The following CEP44 variants were observed in gnomAD, a reference collection of about 807,000 sequenced individuals.
The protein encoded by CEP44 is centrosomal protein 44.
A neutral mutation model predicts 46.7 loss-of-function variants in CEP44; 45 were observed. That is an observed-to-expected ratio of 0.96 (90% confidence interval 0.76 to 1.24). The LOEUF (loss-of-function observed/expected upper bound fraction) is 1.24. Among genes scored for constraint, CEP44 ranks in the 50% most tolerant of loss-of-function variants. The probability of loss-of-function intolerance (pLI) is 0.00; values close to 1 mark genes in which losing one functional copy is unlikely to be tolerated. For synonymous variants in CEP44, 142 were observed against 146.0 expected (o/e 0.97, Z 0.20); for missense variants, 475 against 459.7 (o/e 1.03, Z -0.30).
Position 174,299,138 on chromosome 4 carries a change from T to TAA in CEP44, c.21_22dup (p.Arg8LysfsTer7). On this transcript the variant is annotated frameshift_variant, in exon 3 of 12. Coordinates refer to ENST00000503780, the MANE Select transcript of CEP44 (RefSeq NM_001040157.3). LOFTEE classifies it high-confidence loss of function. Reference sequence around the variant, plus strand: ...TGTTAAGTAATGGCAACAGGTGACTTAAAAAGAAGCTTACGGAACCTAGAA... The same window carrying TAA: ...TGTTAAGTAATGGCAACAGGTGACTTAAAAAAAGAAGCTTACGGAACCTAGAA... 5.0e-6 allele frequency: 8 copies of TAA among 1,613,576 alleles called. No homozygotes were observed. The highest frequency in any genetic ancestry group is 6.8e-6 in the Non-Finnish European group (8 of 1,179,664).
At chr4:174,321,184 G>A (rs547136613), downstream of CEP44, among the ~76,000 whole-genome samples, 5 of 152,202 alleles carry the variant, frequency 3.3e-5, no homozygotes, top group South Asian at 1.0e-3. Flanking sequence ...GACATTTGTA[G>A]GTACTTTAAG....
At chr4:174,313,521 G>C (rs375107374) in intron 9 of CEP44, among the ~76,000 whole-genome samples, 1 of 152,088 alleles carries the variant, frequency 6.6e-6, no homozygotes, top group South Asian at 2.1e-4. Context: ...TCCCAGAGTC[G>C]TAGGAAGATT....
At chr4:174,306,715 A>T (rs781523449) in intron 6 of CEP44, among the ~76,000 whole-genome samples, 1 of 152,112 alleles carries the variant, frequency 6.6e-6, no homozygotes, top group Non-Finnish European at 1.5e-5. Context: ...TTGTAGGAGG[A>T]TCTTCTCAGC....
rs1487668273 is a variant in CEP44, at chr4:174,301,688, C to T, written c.90-351C>T. Among the ~76,000 whole-genome samples the T allele has an allele frequency of 6.6e-6, 1 of 152,090 alleles. No homozygotes were observed. The highest frequency in any genetic ancestry group is 1.9e-4 in the East Asian group (1 of 5,194). ...GTAATAGAACAAGTGTTTGCAAAACCATAAAGTGTACTTCAATTTTGTAAG... is the reference window on the plus strand; with the variant it reads ...GTAATAGAACAAGTGTTTGCAAAACTATAAAGTGTACTTCAATTTTGTAAG... On this transcript the variant is annotated intron_variant, in intron 3 of 11. Coordinates refer to ENST00000503780, the MANE Select transcript of CEP44 (RefSeq NM_001040157.3). The surrounding 1 kb of genome is among the most constrained non-coding windows in gnomAD (Gnocchi z 4.3).
intron 8 of CEP44, among the ~76,000 whole-genome samples, chr4:174,328,516 A>G (rs993447803): frequency 2.0e-5 from 3 of 152,234 alleles, no homozygotes; most frequent in Non-Finnish European, 2.9e-5. Context: ...TATCTCGAAC[A>G]GTGCAATTAT....
chr4:174,307,002 A>G (rs1209756284), intron 6 of CEP44, among the ~76,000 whole-genome samples: 2 of 152,244 alleles, frequency 1.3e-5, no homozygotes, highest in Non-Finnish European at 2.9e-5. Context: ...GCTCATGGAT[A>G]GGAAGAATCA....
chr4:174,304,338 A>G lies in CEP44; in HGVS notation c.476A>G (p.Asp159Gly), dbSNP rs770115106. 4.0e-5 allele frequency: 64 copies of G among 1,611,980 alleles called. No individual in the cohort carries two copies. Among genetic ancestry groups the G allele is most frequent in the Middle Eastern group, 1.6e-4 (1 of 6,074 alleles). The part of the protein sequence containing the change: ...EKISAEAVGV[D>G]ISGRFMTSGK... ...ATATCTGCAGAGGCTGTTGGCGTTG[A>G]TATCAGTGGCAGGTTTATGACCTCA... Residue 159 changes from aspartate to glycine, a missense_variant, in exon 6 of 12, where the codon GAT becomes GGT. Transcript: ENST00000503780.
At chr4:174,324,924 CT>C (rs1742560142), downstream of CEP44, among the ~76,000 whole-genome samples, 1 of 152,122 alleles carries the variant, frequency 6.6e-6, no homozygotes, top group Non-Finnish European at 1.5e-5. Context: ...AGGCAGTGTC[CT>C]CCCCTATAAG....
exon 9 of CEP44, chr4:174,332,866 G>T (rs996468273): frequency 1.3e-5 from 2 of 152,140 alleles, no homozygotes; most frequent in Non-Finnish European, 2.9e-5. Flanking sequence ...GCTTAGGTTT[G>T]AACCTGTTAA....
intron 2 of CEP44, among the ~76,000 whole-genome samples, chr4:174,298,576 T>C (rs903234569): frequency 6.6e-6 from 1 of 152,178 alleles, no homozygotes; most frequent in African/African-American, 2.4e-5. Flanking sequence ...AACCCTGCAT[T>C]TTTAAAATGT....
chr4:174,294,470 G>A lies in CEP44; in HGVS notation c.-147-3496G>A, dbSNP rs1166349274. 2.6e-5 allele frequency among the ~76,000 whole-genome samples: 4 copies of A among 151,214 alleles called. 1 individual carries two copies. In the East Asian group the frequency reaches 7.8e-4, roughly 30 times the overall value. On this transcript the variant is annotated intron_variant, in intron 1 of 11. Transcript: ENST00000503780. Reference sequence around the variant, plus strand: ...TTCTACACAGACATGGCAACCATCCGATTTCTCAATCCTTTCCCCGCCTTT... The same window carrying A: ...TTCTACACAGACATGGCAACCATCCAATTTCTCAATCCTTTCCCCGCCTTT...
intron 8 of CEP44, among the ~76,000 whole-genome samples, chr4:174,327,317 C>A (rs1377922452): frequency 3.3e-5 from 5 of 151,168 alleles, no homozygotes; most frequent in Admixed American, 1.3e-4. Context: ...TTAAAGAAAA[C>A]CTAAATAAAT....
intron 8 of CEP44, among the ~76,000 whole-genome samples, chr4:174,327,920 A>T (rs968506915): frequency 2.0e-5 from 3 of 152,216 alleles, no homozygotes; most frequent in African/African-American, 7.2e-5. Flanking sequence ...ATGAATATTA[A>T]AGTTGGAGAA....
intron 9 of CEP44, among the ~76,000 whole-genome samples, chr4:174,313,109 T>G (rs555976330): frequency 6.6e-6 from 1 of 152,104 alleles, no homozygotes; most frequent in South Asian, 2.1e-4. Context: ...TAAGTACTCA[T>G]GTTAGGCAAG....
chr4:174,285,852 A>G (rs1397477421), intron 1 of CEP44, among the ~76,000 whole-genome samples: 1 of 152,192 alleles, frequency 6.6e-6, no homozygotes, highest in African/African-American at 2.4e-5. Context: ...AGGAAAGTAA[A>G]GGCTTATCTT....
At chr4:174,321,814 G>A (rs1450768416), downstream of CEP44, among the ~76,000 whole-genome samples, 1 of 152,026 alleles carries the variant, frequency 6.6e-6, no homozygotes, top group Non-Finnish European at 1.5e-5. Flanking sequence ...GTAAATGAAG[G>A]AGTAAAAAAA....
chr4:174,331,670 C>T lies in CEP44; in HGVS notation c.*75C>T. 2.7e-6 allele frequency: 4 copies of T among 1,484,706 alleles called. No individual in the cohort carries two copies. Among genetic ancestry groups the T allele is most frequent in the Non-Finnish European group, 3.6e-6 (4 of 1,110,342 alleles). The allele number at this position is 1,484,706 out of a possible 1,614,324, so 92.0% of individuals were successfully genotyped here. A position where few individuals can be genotyped will look rare whatever the true frequency, so the allele number is the denominator to read the frequency against. On this transcript the variant is annotated 3_prime_UTR_variant, in exon 9 of 9. Transcript: ENST00000426172. This position sits in a 1 kb window ranked among gnomAD's most constrained non-coding sequence, Gnocchi z 4.5. Reference sequence around the variant, plus strand: ...TTTCAGTGAAGCTCATCCACGAAGTCCAGAATTCTGCCTGGAAACCAGCTT... The same window carrying T: ...TTTCAGTGAAGCTCATCCACGAAGTTCAGAATTCTGCCTGGAAACCAGCTT...
chr4:174,323,119 G>T (rs1742433526), downstream of CEP44, among the ~76,000 whole-genome samples: 1 of 151,766 alleles, frequency 6.6e-6, no homozygotes, highest in Non-Finnish European at 1.5e-5. Flanking sequence ...AAAAACTCCT[G>T]CAACAAATCA....
Position 174,309,865 on chromosome 4 carries a change from C to A in CEP44, c.694C>A (p.Pro232Thr), listed in dbSNP as rs1172662245. 4 of 1,603,992 alleles carry A rather than the reference C, an allele frequency of 2.5e-6. No homozygotes were observed. The highest frequency in any genetic ancestry group is 3.4e-6 in the Non-Finnish European group (4 of 1,172,376). ...ACCTTTTTAGGATGTAAATGTTAAT[C>A]CTGAGATTACTGCACTACAAACTAT... ...KAEQQDVNVNPEITALQTMLA... is the reference protein window; with the variant it reads ...KAEQQDVNVNTEITALQTMLA... Residue 232 changes from proline (P) to threonine (T), a missense_variant, in exon 8 of 12, where the codon CCT (proline) becomes ACT (threonine). Transcript: ENST00000503780. The surrounding 1 kb of genome is among the most constrained non-coding windows in gnomAD (Gnocchi z 5.3).
Sources: gnomAD v4.1 joint callset for allele counts (sites outside exome capture counted in the v4.1 genomes callset) on GRCh38, gnomAD v4.1.1 for gene constraint, Gnocchi (gnomAD v3.1) non-coding constraint, MANE v1.5 for transcripts, NCBI Gene and HGNC (gene_info 2026-07-23, HGNC 2026-07-21) for gene names.